The following CPPED1 variants were observed in gnomAD, a reference collection of about 807,000 sequenced individuals.
The protein encoded by CPPED1 is serine/threonine-protein phosphatase CPPED1.
CPPED1 carries 28 observed loss-of-function variants against 28.0 expected under a neutral mutation model. The ratio of observed to expected loss-of-function variants is 1.00; its 90% confidence interval spans 0.74 to 1.37. The LOEUF (loss-of-function observed/expected upper bound fraction) is 1.37. Ranked by LOEUF, CPPED1 falls within the 40% of genes most tolerant of loss-of-function variation. CPPED1 has a pLI of 0.00. For synonymous variants in CPPED1, 198 were observed against 180.2 expected, an observed-to-expected ratio of 1.10 and a Z score of -0.79; for missense variants, 504 against 416.5, an observed-to-expected ratio of 1.21 and a Z score of -1.83.
At chr16:12,757,595 G>A (rs1272988896) in intron 2 of CPPED1, 2 of 143,922 alleles carry the variant, frequency 1.4e-5, no homozygotes, top group East Asian at 4.1e-4. Context: ...TAATGTAAGG[G>A]GGCCCGTGCC....
intron 2 of CPPED1, among the ~76,000 whole-genome samples, chr16:12,778,823 C>T (rs911935122): frequency 4.6e-5 from 7 of 152,182 alleles, no homozygotes; most frequent in African/African-American, 1.7e-4. Flanking sequence ...ACATTCCTTT[C>T]ACTGGTTCAA....
intron 2 of CPPED1, among the ~76,000 whole-genome samples, chr16:12,706,320 G>A (rs2080050109): frequency 1.3e-5 from 2 of 151,598 alleles, no homozygotes; most frequent in Non-Finnish European, 2.9e-5. Context: ...GAGAGGGAGG[G>A]AGTCTTACAC....
intron 2 of CPPED1, among the ~76,000 whole-genome samples, chr16:12,751,235 A>G (rs535626786): frequency 9.8e-5 from 15 of 152,290 alleles, no homozygotes; most frequent in African/African-American, 3.1e-4. Flanking sequence ...CCTATCTAAT[A>G]ACCCTTCTTT....
chr16:12,776,752 C>G (rs2080500465), intron 2 of CPPED1, among the ~76,000 whole-genome samples: 1 of 152,168 alleles, frequency 6.6e-6, no homozygotes, highest in East Asian at 1.9e-4. Flanking sequence ...AATCCCGTCT[C>G]TACCAAAAAT....
chr16:12,721,983 T>A (rs971165429), intron 2 of CPPED1, among the ~76,000 whole-genome samples: 2 of 152,136 alleles, frequency 1.3e-5, no homozygotes, highest in African/African-American at 4.8e-5. Context: ...TAAGAATGTT[T>A]TTTTTTCCCA....
chr16:12,803,671 CCA>C (rs1316490989), intron 1 of CPPED1, 34 bp downstream of exon 1: 7 of 1,464,116 alleles, frequency 4.8e-6, no homozygotes, highest in Non-Finnish European at 6.3e-6. Context: ...TTCCGCAGCC[CCA>C]GAGTCCCCTC....
chr16:12,667,187 C>T (rs1180704130), intron 3 of CPPED1, among the ~76,000 whole-genome samples: 1 of 152,142 alleles, frequency 6.6e-6, no homozygotes, highest in Non-Finnish European at 1.5e-5. Flanking sequence ...AATTCTGCTG[C>T]CCATGGAGAA....
chr16:12,713,091 C>T (rs887137715), intron 2 of CPPED1, among the ~76,000 whole-genome samples: 8 of 127,128 alleles, frequency 6.3e-5, no homozygotes, highest in African/African-American at 1.9e-4. Context: ...AAAGGTATTT[C>T]GAAATAAGTT....
At chr16:12,783,318 T>C (rs2080543528) in intron 1 of CPPED1, among the ~76,000 whole-genome samples, 1 of 152,080 alleles carries the variant, frequency 6.6e-6, no homozygotes, top group Non-Finnish European at 1.5e-5. Flanking sequence ...GCCAACATGG[T>C]GAAACCTCAT....
At position 12,682,174 on chromosome 16, in the gene CPPED1, A is replaced by G. The variant is rs772360587; in HGVS notation, c.716-17059T>C. ...CTCAGCCTCCCGAGTAGCTGAGATT[A>G]CAGGTTCCCGCTACCATGCCCAGCT... On this transcript the variant is annotated intron_variant, in intron 3 of 3. Coordinates refer to ENST00000381774, the MANE Select transcript of CPPED1 (RefSeq NM_018340.3). The surrounding 1 kb of genome is among the most constrained non-coding windows in gnomAD (Gnocchi z 6.1). 2.5e-4 allele frequency among the ~76,000 whole-genome samples: 38 copies of G among 152,016 alleles called. No homozygotes were observed. The highest frequency in any genetic ancestry group is 4.7e-4 in the Non-Finnish European group (32 of 67,996).
At position 12,670,108 on chromosome 16, in the gene CPPED1, G is replaced by A. The variant is rs1324079624; in HGVS notation, c.716-4993C>T. Among the ~76,000 whole-genome samples, 1 of 152,144 alleles carries A rather than the reference G, an allele frequency of 6.6e-6. No individual in the cohort carries two copies. Among genetic ancestry groups the A allele is most frequent in the African/African-American group, 2.4e-5 (1 of 41,436 alleles). ...GAGGCCAGGAGTTCGACCAGCCTGG[G>A]CAACACAGTGAGATCCCGTCTCTAC... On this transcript the variant is annotated intron_variant, in intron 3 of 3. Transcript: ENST00000381774. The surrounding 1 kb of genome is among the most constrained non-coding windows in gnomAD (Gnocchi z 4.2).
chr16:12,696,004 C>T (rs1196801067), intron 3 of CPPED1, among the ~76,000 whole-genome samples: 2 of 152,322 alleles, frequency 1.3e-5, no homozygotes, highest in South Asian at 4.2e-4. Context: ...CGACTACCAT[C>T]CTTTTAAACC....
intron 1 of CPPED1, among the ~76,000 whole-genome samples, chr16:12,785,073 G>C (rs2141241145): frequency 6.6e-6 from 1 of 152,280 alleles, no homozygotes; most frequent in South Asian, 2.1e-4. Flanking sequence ...ATGCTCTTAA[G>C]GTTCCTGCTA....
intron 1 of CPPED1, among the ~76,000 whole-genome samples, chr16:12,795,603 G>T (rs1160237969): frequency 1.3e-5 from 2 of 152,064 alleles, no homozygotes; most frequent in Non-Finnish European, 1.5e-5. Flanking sequence ...GCCTCCCAAA[G>T]TGTTAGGATT....
In CPPED1 at chr16:12,738,023, C is replaced by T. The variant is rs76299609; in HGVS notation, c.290-32974G>A. ...GGGGATAAGTGGTTAACACGGTACC[C>T]GACGCAGGTAGAGGGCCTGTTGGCA... On this transcript the variant is annotated intron_variant, in intron 2 of 3. Transcript: ENST00000381774. Among the ~76,000 whole-genome samples the T allele has an allele frequency of 2.8e-4, 42 of 152,274 alleles. No individual in the cohort carries two copies. The East Asian group carries it at 7.9e-3, about 29-fold the overall frequency.
chr16:12,666,441 C>T (rs570475861), intron 3 of CPPED1, among the ~76,000 whole-genome samples: 94 of 152,282 alleles, frequency 6.2e-4, no homozygotes, highest in African/African-American at 2.0e-3. Context: ...TGGGTGCCTC[C>T]GTTTACGGAA....
chr16:12,757,128 G>C lies in CPPED1; in HGVS notation c.289+24057C>G, dbSNP rs549029674. On this transcript the variant is annotated intron_variant, in intron 2 of 3. Transcript: ENST00000381774. ...GACCAACTAAGTTACAGCACCTCGA[G>C]GGTGACCAATTAAGTTATAGCACCT... 2.5e-3 allele frequency among the ~76,000 whole-genome samples: 385 copies of C among 151,898 alleles called. 3 individuals are homozygous for C. Among genetic ancestry groups the C allele is most frequent in the Non-Finnish European group, 3.2e-3 (217 of 67,954 alleles).
At chr16:12,686,241 A>ATATATTTTTTT (rs35644844) in intron 3 of CPPED1, among the ~76,000 whole-genome samples, 5 of 106,970 alleles carry the variant, frequency 4.7e-5, no homozygotes, top group African/African-American at 2.1e-4. Context: ...ATATATATAT[A>ATATATTTTTTT]TTTTTTTTTT....
At chr16:12,763,400 G>A (rs1478730434) in intron 2 of CPPED1, among the ~76,000 whole-genome samples, 7 of 152,012 alleles carry the variant, frequency 4.6e-5, no homozygotes. Flanking sequence ...TACTGATTTT[G>A]GTGATCATTA....
Sources: gnomAD v4.1 joint callset for allele counts (sites outside exome capture counted in the v4.1 genomes callset) on GRCh38, gnomAD v4.1.1 for gene constraint, Gnocchi (gnomAD v3.1) non-coding constraint, MANE v1.5 for transcripts, NCBI Gene and HGNC (gene_info 2026-07-23, HGNC 2026-07-21) for gene names.